Variants in DZIP3 observed in about 807,000 individuals in gnomAD.
DZIP3 encodes E3 ubiquitin-protein ligase DZIP3.
DZIP3 carries 118 observed loss-of-function variants against 162.0 expected under a neutral mutation model. The ratio of observed to expected loss-of-function variants is 0.73; its 90% CI spans 0.63 to 0.85. The LOEUF (loss-of-function observed/expected upper bound fraction) is 0.85, where lower values mean the gene tolerates loss of function less well. Ranked by LOEUF, DZIP3 falls within the 40% of genes least tolerant of loss-of-function variation. The pLI, the probability that DZIP3 is intolerant of heterozygous loss-of-function variation, is 0.00. For missense variants in DZIP3, 1,331 were observed against 1,407.0 expected (o/e 0.95, Z 0.86); for synonymous variants, 438 against 458.6 (o/e 0.96, Z 0.57).
chr3:108,677,470 A>G (rs1484747938), intron 25 of DZIP3, 27 bp from the exon 26 acceptor site: 3 of 1,595,370 alleles, frequency 1.9e-6, no homozygotes, highest in Non-Finnish European at 1.7e-6. Flanking sequence ...GTTGTTCTCT[A>G]AAGTATTTTT....
chr3:108,608,951 A>G (rs1940542992), intron 3 of DZIP3, among the ~76,000 whole-genome samples: 1 of 152,174 alleles, frequency 6.6e-6, no homozygotes, highest in Non-Finnish European at 1.5e-5. Flanking sequence ...AGTCCTCAAG[A>G]AACTTAGAGT....
Position 108,661,860 on chromosome 3 carries a change from T to G in DZIP3, c.2200-17T>G, listed in dbSNP as rs757463263. 2 of 1,600,294 alleles carry G rather than the reference T, an allele frequency of 1.2e-6. No homozygotes were observed. The highest frequency in any genetic ancestry group is 1.7e-6 in the Non-Finnish European group (2 of 1,173,338). ...TTTTGAGGAAAATAATACATGCATA[T>G]TTCCTGTGCTCAATAGGGCTCAGCT... On this transcript the variant is annotated splice_polypyrimidine_tract_variant and intron_variant, in intron 19 of 32. Coordinates refer to ENST00000361582, the MANE Select transcript of DZIP3 (RefSeq NM_014648.4).
intron 21 of DZIP3, among the ~76,000 whole-genome samples, chr3:108,668,041 G>A (rs1943754197): frequency 1.3e-5 from 2 of 152,028 alleles, no homozygotes; most frequent in African/African-American, 4.8e-5. Context: ...TTCTTTAATT[G>A]TAAATGTTGG....
chr3:108,624,523 A>T lies in DZIP3; in HGVS notation c.455A>T (p.Glu152Val). Reference protein sequence around the residue: ...GVALTERGKKEDYTEAENKFL... With the variant: ...GVALTERGKKVDYTEAENKFL... Reference sequence around the variant, plus strand: ...GCACTCACTGAAAGAGGAAAGAAAGAGGTATGTAACATGTTATTTGCCCTT... The same window carrying T: ...GCACTCACTGAAAGAGGAAAGAAAGTGGTATGTAACATGTTATTTGCCCTT... Residue 152 changes from glutamate (E) to valine (V), a missense_variant and splice_region_variant, in exon 6 of 33, where the codon GAG becomes GTG. By Grantham distance (121) the Glu-to-Val change is moderately radical (BLOSUM62 -2). This residue lies in a region of DZIP3 where 1,278 missense variants were observed against 1,317.1 expected (regional missense o/e 0.97). Coordinates refer to ENST00000361582, the MANE Select transcript of DZIP3 (RefSeq NM_014648.4). 1 of 1,542,228 alleles carries T rather than the reference A, an allele frequency of 6.5e-7. No individual in the cohort carries two copies. Among genetic ancestry groups the T allele is most frequent in the Non-Finnish European group, 8.9e-7 (1 of 1,126,470 alleles).
At chr3:108,660,955 G>C (rs1303077522) in intron 19 of DZIP3, among the ~76,000 whole-genome samples, 1 of 152,160 alleles carries the variant, frequency 6.6e-6, no homozygotes, top group Non-Finnish European at 1.5e-5. Context: ...ACACCAGTTA[G>C]AATGGCAGTC....
chr3:108,681,219 A>C (rs1419271306), intron 26 of DZIP3, among the ~76,000 whole-genome samples: 1 of 152,196 alleles, frequency 6.6e-6, no homozygotes, highest in Non-Finnish European at 1.5e-5. Context: ...TCTACAAAGA[A>C]CTTAAACAAA....
intron 8 of DZIP3, among the ~76,000 whole-genome samples, chr3:108,630,515 T>G (rs531177246): frequency 6.6e-6 from 1 of 152,112 alleles, no homozygotes; most frequent in African/African-American, 2.4e-5. Context: ...ATAGAATATT[T>G]TAATATACTT....
chr3:108,610,721 G>A (rs1940657770), intron 3 of DZIP3, among the ~76,000 whole-genome samples: 1 of 152,132 alleles, frequency 6.6e-6, no homozygotes, highest in African/African-American at 2.4e-5. Flanking sequence ...TATTCCAGCA[G>A]GACTTGATTG....
chr3:108,648,005 A>G lies in DZIP3; in HGVS notation c.1855A>G (p.Asn619Asp). The G allele has an allele frequency of 6.2e-7, 1 of 1,610,668 alleles. No homozygotes were observed. Among genetic ancestry groups the G allele is most frequent in the South Asian group, 1.1e-5 (1 of 90,328 alleles). The part of the protein sequence containing the change: ...EELSPPLMEY[N>D]INVKSHPEIQ... ...ACTAAGTCCACCTCTCATGGAGTAC[A>G]ATATAAATGTGAAATCACACCCTGA... Residue 619 changes from asparagine (N) to aspartate (D), a missense_variant, in exon 16 of 33, where the codon AAT (asparagine) becomes GAT (aspartate). Coordinates refer to ENST00000361582, the MANE Select transcript of DZIP3 (RefSeq NM_014648.4).
In DZIP3 at chr3:108,692,221, T is replaced by A. The variant is rs55833301; in HGVS notation, c.*7-1139T>A. On this transcript the variant is annotated intron_variant, in intron 32 of 32. Transcript: ENST00000361582. ...TGTGAATTGATAGAAATATATATAT[T>A]TTTTTTCTGCCCCTGCTTGGCACAT... Among the ~76,000 whole-genome samples the A allele has an allele frequency of 1.6e-3, 239 of 150,562 alleles. 1 individual carries two copies. Among genetic ancestry groups the A allele is most frequent in the African/African-American group, 4.6e-3 (184 of 39,982 alleles).
At chr3:108,635,529 T>A (rs1247340690) in intron 10 of DZIP3, among the ~76,000 whole-genome samples, 1 of 147,622 alleles carries the variant, frequency 6.8e-6, no homozygotes, top group African/African-American at 2.5e-5. Context: ...TTATATATAA[T>A]AGTTATAATT....
chr3:108,628,333 T>A (rs905374154), intron 7 of DZIP3, among the ~76,000 whole-genome samples: 1 of 152,166 alleles, frequency 6.6e-6, no homozygotes, highest in African/African-American at 2.4e-5. Flanking sequence ...ATTTAAGGAT[T>A]CAATATTTCT....
intron 19 of DZIP3, among the ~76,000 whole-genome samples, chr3:108,660,796 A>AAAAC (rs61335756): frequency 1 from 151,513 of 152,014 alleles, 75,507 homozygotes; most frequent in Middle Eastern, 1. Context: ...TTACAAGAAA[A>AAAAC]AAACAACCCC....
chr3:108,628,627 A>G (rs528179815), intron 7 of DZIP3, among the ~76,000 whole-genome samples: 4 of 152,148 alleles, frequency 2.6e-5, no homozygotes, highest in Non-Finnish European at 4.4e-5. Context: ...GTTTCACTTT[A>G]TGATTAAATT....
intron 19 of DZIP3, among the ~76,000 whole-genome samples, chr3:108,655,083 C>T (rs1372438843): frequency 6.6e-6 from 1 of 152,078 alleles, no homozygotes. Context: ...CTTTGGATGT[C>T]ACACTACAGT....
rs1337216451 is a variant in DZIP3, at chr3:108,633,869, T to C, written c.816+797T>C. On this transcript the variant is annotated intron_variant, in intron 9 of 32. Transcript: ENST00000361582. ...CTCTCTGGATCTATCAGAGTACTTC[T>C]GATAGATCTCTCTGGATCTATCAGA... Among the ~76,000 whole-genome samples the C allele has an allele frequency of 5.0e-5, 7 of 139,556 alleles. No homozygotes were observed. In the East Asian group the frequency reaches 1.5e-3, roughly 30 times the overall value. The allele number at this position is 139,556 out of a possible 152,430, so 91.6% of individuals were successfully genotyped here.
rs531139745 is a variant in DZIP3, at chr3:108,589,723, C to T, written c.-189C>T. 2 of 199,000 alleles carry T rather than the reference C, an allele frequency of 1.0e-5. No homozygotes were observed. Among genetic ancestry groups the T allele is most frequent in the Non-Finnish European group, 2.1e-5 (2 of 95,282 alleles). 12.3% of individuals were successfully genotyped at this position (199,000 alleles called of 1,614,324 possible). On this transcript the variant is annotated 5_prime_UTR_variant, in exon 1 of 33. Coordinates refer to ENST00000361582, the MANE Select transcript of DZIP3 (RefSeq NM_014648.4). ...CGGTTAGGAGAAGGGGGATTCCTCA[C>T]TCAGCTGTGCGCTCTGATTTCGTGC...
chr3:108,602,313 A>G (rs1940065480), intron 1 of DZIP3, among the ~76,000 whole-genome samples: 1 of 152,218 alleles, frequency 6.6e-6, no homozygotes, highest in African/African-American at 2.4e-5. Flanking sequence ...GTAAGAGGGA[A>G]AGTAGGAACT....
intron 13 of DZIP3, 54 bp from the exon 14 acceptor site, chr3:108,644,110 A>C: frequency 6.5e-7 from 1 of 1,527,226 alleles, no homozygotes; most frequent in East Asian, 2.2e-5. Context: ...GAGAGACCAA[A>C]TAGAAAATGA....
Sources: allele counts gnomAD v4.1 joint callset (sites outside exome capture counted in the v4.1 genomes callset), GRCh38; gene constraint gnomAD v4.1.1; regional missense constraint gnomAD v4.1.1; transcripts MANE v1.5; gene names NCBI Gene and HGNC (gene_info 2026-07-23, HGNC 2026-07-21).